Variants in EIF4G1 observed in about 807,000 individuals in gnomAD.
EIF4G1 encodes the protein EIF4-gamma.
A neutral mutation model predicts 187.8 loss-of-function variants in EIF4G1; 4 were observed. The observed-to-expected ratio is 0.02, with a 90% CI of 0.01 to 0.05. EIF4G1 has a LOEUF of 0.05. Among genes scored for constraint, EIF4G1 ranks in the 10% least tolerant of loss-of-function variants. EIF4G1 has a pLI of 1.00. For synonymous variants in EIF4G1, 844 were observed against 781.4 expected, an observed-to-expected ratio of 1.08 and a Z score of -1.34; for missense variants, 1,647 against 2,081.1, an observed-to-expected ratio of 0.79 and a Z score of 4.06.
chr3:184,329,254 G>C (rs1185876811), intron 28 of EIF4G1: 2 of 503,628 alleles, frequency 4.0e-6, no homozygotes, highest in East Asian at 3.7e-5. Flanking sequence ...CATTGAACTA[G>C]GGTTTTGTTG....
Position 184,324,203 on chromosome 3 carries a change from G to A in EIF4G1, c.2475G>A (p.Leu825=), listed in dbSNP as rs1215664993. The A allele has an allele frequency of 6.2e-7, 1 of 1,614,260 alleles. No individual in the cohort carries two copies. The change falls in exon 17 of 33, where the codon CTG becomes CTA. Residue 825 remains leucine (L), a splice_region_variant and synonymous_variant. Coordinates refer to ENST00000346169, the MANE Select transcript of EIF4G1 (RefSeq NM_198241.3). ...GTGACATTCTCTCTGACCTACAGCT[G>A]AAAGTGCCCACTACGGAAAAGCCAA... ...YANMCRCLMA[L]KVPTTEKPTV...
chr3:184,332,729 C>T (rs1421370895), intron 32 of EIF4G1, among the ~76,000 whole-genome samples: 1 of 151,876 alleles, frequency 6.6e-6, no homozygotes, highest in Non-Finnish European at 1.5e-5. Flanking sequence ...GAAGCGAAGG[C>T]ACTATGTGTG....
rs746163870 is a variant in EIF4G1, at chr3:184,326,977, T to C, written c.3422T>C (p.Val1141Ala). 3 of 1,614,216 alleles carry C rather than the reference T, an allele frequency of 1.9e-6. No individual in the cohort carries two copies. Among genetic ancestry groups the C allele is most frequent in the Admixed American group, 3.3e-5 (2 of 60,014 alleles). The change falls in exon 23 of 33, where the codon GTG becomes GCG. Residue 1141 changes from valine (V) to alanine (A), a missense_variant. By Grantham distance (64) the Val-to-Ala change is moderately conservative. Coordinates refer to ENST00000346169, the MANE Select transcript of EIF4G1 (RefSeq NM_198241.3). ...PTESTDNRRV[V>A]QRSSLSRERG... ...GAAAGCACAGATAATAGACGTGTGG[T>C]GCAGAGGTGAGGTTTCCTGGACATC...
At position 184,325,468 on chromosome 3, in the gene EIF4G1, C is replaced by G. The variant is rs372803556; in HGVS notation, c.2962-12C>G. The G allele has an allele frequency of 4.3e-6, 7 of 1,614,084 alleles. No homozygotes were observed. In the African/African-American group the frequency reaches 9.3e-5, roughly 22 times the overall value. ...CCCTGACATCATCGTGACTGGCCCT[C>G]TGTCTCCACAGAGCAATTGGGTGCC... On this transcript the variant is annotated splice_polypyrimidine_tract_variant and intron_variant, in intron 19 of 32. Coordinates refer to ENST00000346169, the MANE Select transcript of EIF4G1 (RefSeq NM_198241.3). This position sits in a 1 kb window ranked among gnomAD's most constrained non-coding sequence, Gnocchi z 5.2.
chr3:184,316,680 A>G (rs1722845953), intron 4 of EIF4G1: 1 of 1,587,754 alleles, frequency 6.3e-7, no homozygotes, highest in African/African-American at 1.3e-5. Flanking sequence ...CTTGGGGGTA[A>G]TTCTCTTCTT....
chr3:184,327,799 G>GTC, intron 25 of EIF4G1, 31 bp from the exon 26 acceptor site: 1 of 1,614,080 alleles, frequency 6.2e-7, no homozygotes, highest in Non-Finnish European at 8.5e-7. Context: ...ACAGTGACTG[G>GTC]TCTCTTCCTG....
chr3:184,318,628 G>A (rs1723207595), intron 6 of EIF4G1, among the ~76,000 whole-genome samples: 2 of 152,188 alleles, frequency 1.3e-5, no homozygotes, highest in East Asian at 2.0e-4. Flanking sequence ...TTTTTGAGAC[G>A]GAGTCTCGCT....
At chr3:184,316,059 C>G in intron 3 of EIF4G1, 73 bp from the exon 4 acceptor site, 1 of 1,598,488 alleles carries the variant, frequency 6.3e-7, no homozygotes. Flanking sequence ...ATCTGCTCCC[C>G]TTATTTCACC....
chr3:184,334,016 CA>C lies in EIF4G1; in HGVS notation c.4619-710del, dbSNP rs999423014. On this transcript the variant is annotated intron_variant, in intron 32 of 32. Coordinates refer to ENST00000346169, the MANE Select transcript of EIF4G1 (RefSeq NM_198241.3). The surrounding 1 kb of genome is among the most constrained non-coding windows in gnomAD (Gnocchi z 5.8). ...CCCTGCAGAACATCCTGGCTGGCAG[CA>C]TCTCATAGATGGCTTAGAAGTGTAA... 6.6e-6 allele frequency among the ~76,000 whole-genome samples: 1 copy of C among 152,174 alleles called. No homozygotes were observed. The highest frequency in any genetic ancestry group is 2.4e-5 in the African/African-American group (1 of 41,416).
intron 28 of EIF4G1, among the ~76,000 whole-genome samples, chr3:184,330,396 A>G (rs977866095): frequency 1.3e-5 from 2 of 152,076 alleles, no homozygotes; most frequent in African/African-American, 4.8e-5. Flanking sequence ...AAAAAGATAT[A>G]TATCGGCTGT....
intron 23 of EIF4G1, 88 bp downstream of exon 23, chr3:184,327,071 A>AC: frequency 6.3e-7 from 1 of 1,587,616 alleles, no homozygotes; most frequent in South Asian, 1.1e-5. Flanking sequence ...ATTTCTTCAT[A>AC]CCTGTCCTGG....
intron 25 of EIF4G1, 51 bp downstream of exon 25, chr3:184,327,755 G>A (rs1469730138): frequency 6.2e-7 from 1 of 1,613,538 alleles, no homozygotes; most frequent in Admixed American, 1.7e-5. Context: ...GAGGGATCAT[G>A]CTGGCAGGCA....
intron 6 of EIF4G1, among the ~76,000 whole-genome samples, chr3:184,318,257 T>C (rs1354581301): frequency 6.6e-6 from 1 of 152,258 alleles, no homozygotes; most frequent in African/African-American, 2.4e-5. Context: ...CTCTCATACA[T>C]GTATGTTTTT....
Position 184,324,908 on chromosome 3 carries a change from C to G in EIF4G1, c.2650C>G (p.Leu884Val). The G allele has an allele frequency of 6.2e-7, 1 of 1,614,160 alleles. No individual in the cohort carries two copies. Among genetic ancestry groups the G allele is most frequent in the Non-Finnish European group, 8.5e-7 (1 of 1,180,040 alleles). ...AEERGRLKEE[L>V]EEARDIARRR... is the part of the protein sequence containing the mutation. ...GGAACGAGGACGCCTGAAGGAAGAG[C>G]TGGAAGAGGCTCGGGACATAGCCCG... Residue 884 changes from leucine to valine, a missense_variant, in exon 18 of 33, where the codon CTG (leucine) becomes GTG (valine). Leu to Val is a conservative substitution (Grantham distance 32, BLOSUM62 1). Coordinates refer to ENST00000346169, the MANE Select transcript of EIF4G1 (RefSeq NM_198241.3).
rs751423077 is a variant in EIF4G1, at chr3:184,323,223, G to A, written c.2070G>A (p.Gly690=). The A allele has an allele frequency of 3.0e-5, 49 of 1,614,174 alleles. No homozygotes were observed. Among genetic ancestry groups the A allele is most frequent in the Non-Finnish European group, 4.1e-5 (48 of 1,180,016 alleles). Residue 690 remains glycine, a synonymous_variant, in exon 14 of 33, where the codon GGG becomes GGA. Coordinates refer to ENST00000346169, the MANE Select transcript of EIF4G1 (RefSeq NM_198241.3). This position sits in a 1 kb window ranked among gnomAD's most constrained non-coding sequence, Gnocchi z 6.9. ...TRGPPRGGPG[G]ELPRGPAGLG... is the part of the protein sequence containing the mutation. ...GGCCCCCAAGGGGTGGGCCAGGTGG[G>A]GAGCTGCCCCGTGGGCCGGTGAGTG...
Position 184,334,508 on chromosome 3 carries a change from T to C in EIF4G1, c.4619-219T>C, listed in dbSNP as rs898199550. ...CTGCCAAGGTGAGGCCAAGCAAGTT[T>C]GTAAGGTTTTTCTGATGGCCAAGTG... is the stretch of plus-strand genomic sequence containing the variant. On this transcript the variant is annotated intron_variant, in intron 32 of 32. Coordinates refer to ENST00000346169, the MANE Select transcript of EIF4G1 (RefSeq NM_198241.3). The surrounding 1 kb of genome is among the most constrained non-coding windows in gnomAD (Gnocchi z 5.8). Among the ~76,000 whole-genome samples the C allele has an allele frequency of 6.6e-6, 1 of 152,138 alleles. No individual in the cohort carries two copies. The highest frequency in any genetic ancestry group is 2.4e-5 in the African/African-American group (1 of 41,424).
rs541758167 is a variant in EIF4G1, at chr3:184,325,485, T to C, written c.2967T>C (p.Asn989=). Residue 989 remains asparagine (N), a synonymous_variant, in exon 20 of 33, where the codon AAT becomes AAC. Transcript: ENST00000346169. The surrounding 1 kb of genome is among the most constrained non-coding windows in gnomAD (Gnocchi z 5.2). ...CTGGCCCTCTGTCTCCACAGAGCAA[T>C]TGGGTGCCACGCCGAGGGGATCAGG... ...LQDVLDLRGS[N]WVPRRGDQGP... is the part of the protein sequence containing the mutation. The C allele has an allele frequency of 2.0e-4, 330 of 1,614,058 alleles. 12 individuals are homozygous for C. The South Asian group carries it at 3.5e-3, about 17-fold the overall frequency.
In EIF4G1 at chr3:184,331,958, T is replaced by C. The variant is rs1726202195; in HGVS notation, c.4490T>C (p.Leu1497Pro). The change falls in exon 32 of 33, where the codon CTC becomes CCC. Residue 1497 changes from leucine (L) to proline (P), a missense_variant. Physicochemically the swap from Leu to Pro is moderately conservative, Grantham distance 98. Transcript: ENST00000346169. ...TGTCTTCTTGTAGTTGAGACTCCCC[T>C]CCGAGTGGACGTTGCAGTGCTGAAA... ...CYSAIIFETP[L>P]RVDVAVLKAR... The C allele has an allele frequency of 6.2e-7, 1 of 1,614,068 alleles. No homozygotes were observed. The highest frequency in any genetic ancestry group is 1.1e-5 in the South Asian group (1 of 91,082).
chr3:184,330,973 C>G (rs1421132291), intron 28 of EIF4G1, among the ~76,000 whole-genome samples: 1 of 152,186 alleles, frequency 6.6e-6, no homozygotes, highest in African/African-American at 2.4e-5. Context: ...CTCCTGACCT[C>G]AGGTGATCCG....
Sources: gnomAD v4.1 joint callset for allele counts (sites outside exome capture counted in the v4.1 genomes callset) on GRCh38, gnomAD v4.1.1 for gene constraint, Gnocchi (gnomAD v3.1) non-coding constraint, MANE v1.5 for transcripts, NCBI Gene and HGNC (gene_info 2026-07-23, HGNC 2026-07-21) for gene names.